CLIC2: variants seen among roughly 807,000 people sequenced by gnomAD.
CLIC2 encodes the protein CLIC family member 2.
A neutral mutation model predicts 14.8 loss-of-function variants in CLIC2; 9 were observed. The observed-to-expected ratio is 0.61, with a 90% CI of 0.37 to 1.06. The LOEUF is 1.06. Among genes scored for constraint, CLIC2 ranks in the 50% least tolerant of loss-of-function variants. CLIC2 has a pLI of 0.01. For missense variants in CLIC2, 148 were observed against 181.4 expected (o/e 0.82, Z 1.06); for synonymous variants, 61 against 66.3 (o/e 0.92, Z 0.39).
In CLIC2 at chrX:155,279,157, T is replaced by C. The variant is rs2074909269; in HGVS notation, c.574A>G (p.Ile192Val). 1 of 1,210,048 alleles carries C rather than the reference T, an allele frequency of 8.3e-7. No homozygotes were observed. The highest frequency in any genetic ancestry group is 1.1e-6 in the Non-Finnish European group (1 of 894,219). The change falls in exon 5 of 6, where the codon ATT (isoleucine) becomes GTT (valine). Residue 192 changes from isoleucine (I) to valine (V), a missense_variant. Transcript: ENST00000369449. ...ADCSLLPKLN[I>V]IKVAAKKYRD... ...GCCTTATAAAGACTTACTTTAATAA[T>C]GTTCAGCTTGGGTAACAAGCTACAA...
At chrX:155,310,466 G>C in intron 1 of CLIC2, 1 of 270,864 alleles carries the variant, frequency 3.7e-6, no homozygotes, top group Non-Finnish European at 7.4e-6. Context: ...ACTTGCATTT[G>C]CATTTTTCTC....
At chrX:155,305,109 C>G (rs1417836714) in intron 1 of CLIC2, among the ~76,000 whole-genome samples, 2 of 112,364 alleles carry the variant, frequency 1.8e-5, no homozygotes, top group Admixed American at 9.4e-5. Context: ...GGGCTCCACC[C>G]AGTTCGAGCT....
intron 1 of CLIC2, among the ~76,000 whole-genome samples, chrX:155,328,564 T>C (rs1468790755): frequency 9.0e-6 from 1 of 111,346 alleles, no homozygotes; most frequent in African/African-American, 3.3e-5. Context: ...AGTTAAAATG[T>C]CCATAGTACC....
intron 1 of CLIC2, among the ~76,000 whole-genome samples, chrX:155,307,097 CAT>C (rs782326399): frequency 9.0e-6 from 1 of 111,077 alleles, no homozygotes; most frequent in African/African-American, 3.3e-5. Flanking sequence ...CAGACATATA[CAT>C]ATATATATAC....
chrX:155,316,158 A>G (rs2124204257), intron 1 of CLIC2, among the ~76,000 whole-genome samples: 1 of 111,714 alleles, frequency 9.0e-6, no homozygotes, highest in East Asian at 2.8e-4. Flanking sequence ...TGGTAACACA[A>G]TAATAGTGGG....
intron 1 of CLIC2, among the ~76,000 whole-genome samples, chrX:155,301,349 G>T (rs1179603372): frequency 9.3e-4 from 103 of 110,292 alleles, no homozygotes; most frequent in African/African-American, 3.2e-3. Context: ...AATTGTGAAT[G>T]GGAGTTCACT....
intron 1 of CLIC2, among the ~76,000 whole-genome samples, chrX:155,326,138 A>C (rs958452716): frequency 4.6e-5 from 5 of 109,809 alleles, no homozygotes; most frequent in African/African-American, 1.7e-4. Context: ...TCATGTAACC[A>C]AACTTCACCT....
chrX:155,278,086 A>G, intron 5 of CLIC2, 22 bp from the exon 6 acceptor site: 1 of 1,182,754 alleles, frequency 8.5e-7, no homozygotes, highest in Non-Finnish European at 1.1e-6. Flanking sequence ...CAAAAAAAAG[A>G]GGAAAAAGAA....
intron 3 of CLIC2, among the ~76,000 whole-genome samples, chrX:155,295,526 A>G (rs782510185): frequency 3.6e-5 from 4 of 111,278 alleles, no homozygotes; most frequent in Admixed American, 2.9e-4. Context: ...TATGGCAATC[A>G]GGCAAGAGAA....
At chrX:155,311,705 T>C (rs1228632955) in intron 1 of CLIC2, among the ~76,000 whole-genome samples, 1 of 111,837 alleles carries the variant, frequency 8.9e-6, no homozygotes, top group Non-Finnish European at 1.9e-5. Context: ...GATAAAGACA[T>C]ACCCGACACT....
intron 1 of CLIC2, among the ~76,000 whole-genome samples, chrX:155,306,775 A>G (rs782778827): frequency 9.1e-6 from 1 of 110,472 alleles, no homozygotes; most frequent in South Asian, 3.9e-4. Flanking sequence ...CACACTTTAC[A>G]ACAACCAGAT....
rs782583538 is a variant in CLIC2 at position 155,290,427 on chromosome X, C to T, written c.293+8358G>A. The T allele has an allele frequency of 1.7e-4, 85 of 494,593 alleles. No homozygotes were observed. In the African/African-American group the frequency reaches 1.9e-3, roughly 11 times the overall value. 40.8% of individuals were successfully genotyped at this position (494,593 alleles called of 1,213,427 possible). On this transcript the variant is annotated intron_variant, in intron 3 of 5. Transcript: ENST00000369449. Reference sequence around the variant, plus strand: ...GAATTCTTCTTTTTCCTGCATGCTGCTTGGGATGTACTTCTTCTTCACAAA... The same window carrying T: ...GAATTCTTCTTTTTCCTGCATGCTGTTTGGGATGTACTTCTTCTTCACAAA...
chrX:155,334,264 A>C (rs2075166616), intron 1 of CLIC2, 107 bp downstream of exon 1: 4 of 638,053 alleles, frequency 6.3e-6, no homozygotes, highest in Non-Finnish European at 1.1e-5. Context: ...TAATCACAAC[A>C]TTCTTTCCTA....
chrX:155,292,567 G>A (rs1254661051), intron 3 of CLIC2: 5 of 404,569 alleles, frequency 1.2e-5, no homozygotes, highest in African/African-American at 2.6e-5. Flanking sequence ...TCAGGAGATC[G>A]AGACCATCCT....
At chrX:155,290,994 T>G (rs782165002) in intron 3 of CLIC2, 1 of 715,622 alleles carries the variant, frequency 1.4e-6, no homozygotes, top group Admixed American at 2.2e-5. Context: ...TAATGATACA[T>G]CTTCCTTTAC....
chrX:155,288,324 T>C (rs112029312), intron 3 of CLIC2, among the ~76,000 whole-genome samples: 1,945 of 112,106 alleles, frequency 0.017, 52 homozygotes, highest in African/African-American at 0.06. Context: ...AAATGATGAG[T>C]TATGCTCTAT....
At chrX:155,323,052 C>T (rs1445939306) in intron 1 of CLIC2, among the ~76,000 whole-genome samples, 3 of 111,614 alleles carry the variant, frequency 2.7e-5, no homozygotes, top group Non-Finnish European at 5.7e-5. Flanking sequence ...GTTTACCAAC[C>T]AAAAAAGCAC....
intron 1 of CLIC2, among the ~76,000 whole-genome samples, chrX:155,302,522 A>G (rs1308515386): frequency 1.0e-5 from 1 of 96,088 alleles, no homozygotes; most frequent in East Asian, 3.4e-4. Flanking sequence ...GACCCTTTCA[A>G]AAAACCACCT....
At chrX:155,319,994 C>T (rs2075108442) in intron 1 of CLIC2, among the ~76,000 whole-genome samples, 1 of 112,745 alleles carries the variant, frequency 8.9e-6, no homozygotes, top group Non-Finnish European at 1.9e-5. Flanking sequence ...CCGCTGTAGC[C>T]AGACTGCCTC....
Sources: gnomAD v4.1 joint callset for allele counts (sites outside exome capture counted in the v4.1 genomes callset) on GRCh38, gnomAD v4.1.1 for gene constraint, MANE v1.5 for transcripts, NCBI Gene and HGNC (gene_info 2026-07-23, HGNC 2026-07-21) for gene names.